Variants in MCF2 observed in about 807,000 individuals in gnomAD.
MCF2 encodes proto-oncogene DBL.
MCF2 carries 44 observed loss-of-function variants against 82.5 expected under a neutral mutation model. That is an observed-to-expected ratio of 0.53 (90% CI 0.42 to 0.69). The LOEUF (loss-of-function observed/expected upper bound fraction) is 0.69. MCF2 is among the 30% of genes least tolerant of loss of function. The pLI is 0.00. For missense variants in MCF2, 623 were observed against 663.1 expected (o/e 0.94, Z 0.66); for synonymous variants, 217 against 224.9 (o/e 0.96, Z 0.32).
At chrX:139,674,267 CTT>C (rs1431606118) in intron 1 of MCF2, among the ~76,000 whole-genome samples, 43 of 111,708 alleles carry the variant, frequency 3.8e-4, no homozygotes, top group African/African-American at 1.4e-3. Context: ...GGTCTTGACT[CTT>C]TATCCAATTT....
chrX:139,626,104 G>T, intron 6 of MCF2, 89 bp downstream of exon 9: 1 of 467,486 alleles, frequency 2.1e-6, no homozygotes, highest in Non-Finnish European at 3.5e-6. Context: ...GTATAAATGG[G>T]CATCTTGCAA....
intron 1 of MCF2, among the ~76,000 whole-genome samples, chrX:139,664,184 T>G (rs147226538): frequency 0.014 from 1,531 of 110,488 alleles, 23 homozygotes; most frequent in African/African-American, 0.048. Context: ...TTTGCATTTT[T>G]AGTAGACAGG....
intron 1 of MCF2, among the ~76,000 whole-genome samples, chrX:139,690,592 T>C (rs1223106296): frequency 9.0e-6 from 1 of 111,208 alleles, no homozygotes; most frequent in African/African-American, 3.3e-5. Context: ...CAAAGAGTTC[T>C]GTGTGATGAA....
At chrX:139,683,301 A>C (rs1254613519) in intron 1 of MCF2, among the ~76,000 whole-genome samples, 1 of 112,816 alleles carries the variant, frequency 8.9e-6, no homozygotes, top group Non-Finnish European at 1.9e-5. Flanking sequence ...GAAGGGCAGA[A>C]TGCCAATATC....
exon 14 of MCF2, chrX:139,604,965 T>C (rs748799255): frequency 8.6e-7 from 1 of 1,166,554 alleles, no homozygotes; most frequent in South Asian, 1.9e-5. Flanking sequence ...CTCTGGATTA[T>C]CCATCTCCGC....
intron 1 of MCF2, among the ~76,000 whole-genome samples, chrX:139,656,262 C>T (rs1429319215): frequency 9.0e-6 from 1 of 111,297 alleles, no homozygotes; most frequent in Non-Finnish European, 1.9e-5. Flanking sequence ...CGGGGTTTCA[C>T]CGTGTTAGCC....
chrX:139,673,622 G>A (rs1934774141), intron 1 of MCF2, among the ~76,000 whole-genome samples: 3 of 111,926 alleles, frequency 2.7e-5, no homozygotes, highest in South Asian at 3.8e-4. Flanking sequence ...GTAGTTGTGC[G>A]GTTTTGAGTG....
At chrX:139,692,244 G>A in intron 1 of MCF2, 1 of 511,165 alleles carries the variant, frequency 2.0e-6, no homozygotes, top group East Asian at 4.3e-5. Flanking sequence ...GCTCTGACCC[G>A]CGCGCCGCCG....
intron 13 of MCF2, among the ~76,000 whole-genome samples, 188 bp downstream of exon 17, chrX:139,605,525 T>C (rs1259257901): frequency 9.0e-6 from 1 of 111,355 alleles, no homozygotes; most frequent in Non-Finnish European, 1.9e-5. Context: ...TTCCCATTAC[T>C]GAGGGAGAGC....
chrX:139,696,981 T>C (rs751893399), intron 1 of MCF2, among the ~76,000 whole-genome samples: 7 of 112,076 alleles, frequency 6.2e-5, no homozygotes, highest in African/African-American at 9.7e-5. Context: ...GCAGGGGACA[T>C]TGGTAGTTTT....
At chrX:139,594,950 T>C (rs1929917399) in intron 19 of MCF2, among the ~76,000 whole-genome samples, 1 of 111,140 alleles carries the variant, frequency 9.0e-6, no homozygotes, top group African/African-American at 3.3e-5. Flanking sequence ...AGAAGACATT[T>C]ATGCAGCCAA....
Position 139,642,845 on chromosome X carries a change from A to T in MCF2, c.-327T>A. 8.8e-6 allele frequency: 8 copies of T among 910,824 alleles called. No individual in the cohort carries two copies. In the South Asian group the frequency reaches 2.6e-4, roughly 30 times the overall value. 75.1% of individuals were successfully genotyped at this position (910,824 alleles called of 1,213,427 possible). On this transcript the variant is annotated 5_prime_UTR_variant, in exon 1 of 25. Transcript: ENST00000370576. ...TCAAGAAGATCAGGCATGTCCTAAGAGTGGAAGGAGGAGGAAAAAAAAACC... is the reference window on the plus strand; with the variant it reads ...TCAAGAAGATCAGGCATGTCCTAAGTGTGGAAGGAGGAGGAAAAAAAAACC...
At chrX:139,606,353 G>A (rs781634981) in intron 12 of MCF2, among the ~76,000 whole-genome samples, 7 of 109,561 alleles carry the variant, frequency 6.4e-5, no homozygotes, top group South Asian at 3.9e-4. Context: ...TTATATTTCC[G>A]TAATGTATAT....
At chrX:139,613,660 C>G (rs757833176) in intron 10 of MCF2, among the ~76,000 whole-genome samples, 1 of 111,455 alleles carries the variant, frequency 9.0e-6, no homozygotes, top group African/African-American at 3.2e-5. Flanking sequence ...AGCCAGAAAT[C>G]TAACCGAGGT....
chrX:139,618,936 G>A (rs765427831), intron 7 of MCF2, among the ~76,000 whole-genome samples: 1 of 111,554 alleles, frequency 9.0e-6, no homozygotes, highest in African/African-American at 3.2e-5. Context: ...GCTCTGCAAA[G>A]TAGGTCATTT....
chrX:139,597,770 T>A (rs1354159545), intron 17 of MCF2, among the ~76,000 whole-genome samples, 185 bp from the exon 22 acceptor site: 2 of 111,477 alleles, frequency 1.8e-5, no homozygotes, highest in Admixed American at 1.9e-4. Context: ...GGAAGTAGAA[T>A]AGTGACTGAA....
intron 20 of MCF2, among the ~76,000 whole-genome samples, chrX:139,588,735 A>T (rs757064710): frequency 9.2e-6 from 1 of 108,792 alleles, no homozygotes; most frequent in East Asian, 2.9e-4. Context: ...ACATAGGGAA[A>T]CCCCATCTCT....
intron 1 of MCF2, among the ~76,000 whole-genome samples, chrX:139,632,710 T>G (rs1484932837): frequency 9.0e-6 from 1 of 111,410 alleles, no homozygotes; most frequent in Non-Finnish European, 1.9e-5. Flanking sequence ...GATCCAACCT[T>G]ATGAAGAAAT....
chrX:139,702,014 G>C (rs1900147452), intron 1 of MCF2, among the ~76,000 whole-genome samples: 1 of 110,813 alleles, frequency 9.0e-6, no homozygotes, highest in Non-Finnish European at 1.9e-5. Context: ...ATCACCCCTG[G>C]GGCTGCCTCC....
Sources: gnomAD v4.1 joint callset for allele counts (sites outside exome capture counted in the v4.1 genomes callset) on GRCh38, gnomAD v4.1.1 for gene constraint, MANE v1.5 for transcripts, NCBI Gene and HGNC (gene_info 2026-07-23, HGNC 2026-07-21) for gene names.